Variants in PPP3CA observed in about 807,000 individuals in gnomAD.
PPP3CA encodes the protein CAM-PRP catalytic subunit.
In PPP3CA, 14 loss-of-function variants were observed where a neutral mutation model predicts 66.5. That is an observed-to-expected ratio of 0.21 (90% CI 0.14 to 0.33). PPP3CA has a LOEUF of 0.33. Among genes scored for constraint, PPP3CA ranks in the 10% least tolerant of loss-of-function variants. PPP3CA has a pLI of 1.00. For missense variants in PPP3CA, 317 were observed against 639.5 expected (o/e 0.50, Z 5.44); for synonymous variants, 232 against 226.2 (o/e 1.03, Z -0.23).
At chr4:101,091,267 A>G (rs1006567182) in intron 6 of PPP3CA, among the ~76,000 whole-genome samples, 3 of 152,206 alleles carry the variant, frequency 2.0e-5, no homozygotes, top group African/African-American at 7.2e-5. Context: ...AACTGAACAC[A>G]TAACTTTGAC....
intron 10 of PPP3CA, among the ~76,000 whole-genome samples, chr4:101,041,930 G>C (rs899493724): frequency 6.8e-6 from 1 of 146,862 alleles, no homozygotes; most frequent in African/African-American, 2.7e-5. Flanking sequence ...ATTTGCTCAG[G>C]GACGGTAGTC....
At chr4:101,326,190 A>G (rs575146317) in intron 1 of PPP3CA, among the ~76,000 whole-genome samples, 8 of 152,202 alleles carry the variant, frequency 5.3e-5, no homozygotes, top group Non-Finnish European at 8.8e-5. Flanking sequence ...TAAGTAATCT[A>G]TGGGATAGGT....
intron 1 of PPP3CA, among the ~76,000 whole-genome samples, chr4:101,236,496 TG>T (rs1560673718): frequency 6.6e-6 from 1 of 151,994 alleles, no homozygotes; most frequent in South Asian, 2.1e-4. Context: ...CATGAAAGGA[TG>T]TAGGTAGCGA....
At position 101,195,883 on chromosome 4, in the gene PPP3CA, T is replaced by C. The variant is rs1257067388; in HGVS notation, c.259+33A>G. 4 of 1,594,500 alleles carry C rather than the reference T, an allele frequency of 2.5e-6. No individual in the cohort carries two copies. The South Asian group carries it at 3.4e-5, about 13-fold the overall frequency. ...CATGCTATAAACAACAAAATGTGTA[T>C]ACAAGTGGGCAACCTCCCTCCTCAG... On this transcript the variant is annotated intron_variant, in intron 2 of 13. Transcript: ENST00000394854.
intron 12 of PPP3CA, 96 bp from the exon 13 acceptor site, chr4:101,029,291 A>G (rs565213721): frequency 6.8e-6 from 7 of 1,032,456 alleles, no homozygotes; most frequent in African/African-American, 4.9e-5. Flanking sequence ...AGGAGCTAAG[A>G]GAACTAATGT....
At chr4:101,303,288 AT>A (rs1033259766) in intron 1 of PPP3CA, among the ~76,000 whole-genome samples, 7 of 152,198 alleles carry the variant, frequency 4.6e-5, no homozygotes, top group Admixed American at 1.3e-4. Context: ...ATTCATATTC[AT>A]TTCACATCCA....
At chr4:101,328,241 T>A (rs1026591965) in intron 1 of PPP3CA, among the ~76,000 whole-genome samples, 6 of 152,194 alleles carry the variant, frequency 3.9e-5, no homozygotes, top group Non-Finnish European at 8.8e-5. Context: ...GGATTCAAAA[T>A]GCGTTTATGA....
At chr4:101,196,892 AC>A (rs1479849997) in intron 1 of PPP3CA, among the ~76,000 whole-genome samples, 2 of 152,198 alleles carry the variant, frequency 1.3e-5, no homozygotes, top group Non-Finnish European at 2.9e-5. Flanking sequence ...ATTTGTGAGT[AC>A]ATTCATTCAC....
intron 2 of PPP3CA, among the ~76,000 whole-genome samples, chr4:101,177,029 C>A (rs1323739069): frequency 6.6e-6 from 1 of 152,038 alleles, no homozygotes; most frequent in Non-Finnish European, 1.5e-5. Context: ...GTGAAACAGG[C>A]CTGCTATATT....
intron 1 of PPP3CA, among the ~76,000 whole-genome samples, chr4:101,333,758 A>G (rs1241551267): frequency 1.3e-5 from 2 of 152,218 alleles, no homozygotes; most frequent in Non-Finnish European, 2.9e-5. Flanking sequence ...TATTGATTAC[A>G]TTTACTTTTG....
intron 1 of PPP3CA, among the ~76,000 whole-genome samples, chr4:101,206,579 C>A (rs184952785): frequency 6.6e-6 from 1 of 152,288 alleles, no homozygotes; most frequent in African/African-American, 2.4e-5. Context: ...TTACAGGTAA[C>A]ATCAAATCTC....
chr4:101,137,636 C>G (rs1722664835), intron 2 of PPP3CA, among the ~76,000 whole-genome samples: 1 of 152,036 alleles, frequency 6.6e-6, no homozygotes, highest in Non-Finnish European at 1.5e-5. Flanking sequence ...AGCTGAGCAC[C>G]CACTCTCTCT....
chr4:101,065,815 A>T (rs10022217), intron 8 of PPP3CA, among the ~76,000 whole-genome samples: 9,650 of 152,162 alleles, frequency 0.063, 346 homozygotes, highest in African/African-American at 0.093. Flanking sequence ...GATGCAATTT[A>T]CAAGCAAGGG....
At chr4:101,332,965 T>C (rs908071546) in intron 1 of PPP3CA, among the ~76,000 whole-genome samples, 2 of 152,212 alleles carry the variant, frequency 1.3e-5, no homozygotes, top group Non-Finnish European at 2.9e-5. Flanking sequence ...GAAATATCTT[T>C]TCTTTTTGAA....
At chr4:101,330,885 T>C (rs1443643179) in intron 1 of PPP3CA, among the ~76,000 whole-genome samples, 1 of 152,170 alleles carries the variant, frequency 6.6e-6, no homozygotes, top group Non-Finnish European at 1.5e-5. Flanking sequence ...TTTTGGATCG[T>C]TTGTGTTATA....
chr4:101,203,533 TA>T (rs1156795375), intron 1 of PPP3CA, among the ~76,000 whole-genome samples: 2 of 152,092 alleles, frequency 1.3e-5, no homozygotes, highest in African/African-American at 4.8e-5. Context: ...TCTTCAACTA[TA>T]AGGTATTAAT....
At chr4:101,307,539 TG>T (rs1560709894) in intron 1 of PPP3CA, among the ~76,000 whole-genome samples, 1 of 151,916 alleles carries the variant, frequency 6.6e-6, no homozygotes, top group Non-Finnish European at 1.5e-5. Flanking sequence ...AAAAAGTTTT[TG>T]CTTAACAAAT....
chr4:101,272,044 G>C (rs543279769), intron 1 of PPP3CA, among the ~76,000 whole-genome samples: 2 of 151,806 alleles, frequency 1.3e-5, no homozygotes, highest in South Asian at 2.1e-4. Context: ...TATTACTTAG[G>C]CCTAATTTGC....
chr4:101,050,015 G>A (rs1727941729), intron 10 of PPP3CA, among the ~76,000 whole-genome samples: 1 of 152,024 alleles, frequency 6.6e-6, no homozygotes, highest in African/African-American at 2.4e-5. Flanking sequence ...ATGTAGTAAA[G>A]TTTTGCCCAA....
Sources: allele counts gnomAD v4.1 joint callset (sites outside exome capture counted in the v4.1 genomes callset), GRCh38; gene constraint gnomAD v4.1.1; transcripts MANE v1.5; gene names NCBI Gene and HGNC (gene_info 2026-07-23, HGNC 2026-07-21).